ZFAT: variants seen among roughly 807,000 people sequenced by gnomAD.
The protein encoded by ZFAT is zinc finger protein ZFAT.
ZFAT carries 64 observed loss-of-function variants against 117.7 expected under a neutral mutation model. The observed-to-expected ratio is 0.54, with a 90% CI of 0.44 to 0.67. ZFAT has a LOEUF of 0.67. Among genes scored for constraint, ZFAT ranks in the 30% least tolerant of loss-of-function variants. ZFAT has a pLI of 0.00. For missense variants in ZFAT, 1,433 were observed against 1,584.5 expected (o/e 0.90, Z 1.62); for synonymous variants, 679 against 615.0 (o/e 1.10, Z -1.54).
intron 1 of ZFAT, among the ~76,000 whole-genome samples, chr8:134,695,702 T>A (rs1474806846): frequency 2.0e-5 from 3 of 147,896 alleles, no homozygotes; most frequent in Non-Finnish European, 3.0e-5. Flanking sequence ...CCAGGCAGCA[T>A]CTCTAACCAA....
the ZFAT span, among the ~76,000 whole-genome samples, chr8:134,733,477 C>A: frequency 3.3e-5 from 5 of 152,208 alleles, no homozygotes; most frequent in African/African-American, 1.2e-4. Flanking sequence ...GATGAATGGG[C>A]GAGGCCCTGG....
chr8:134,514,884 C>T (rs11786038), intron 13 of ZFAT, among the ~76,000 whole-genome samples: 20,902 of 151,978 alleles, frequency 0.14, 1,849 homozygotes, highest in Non-Finnish European at 0.19. Flanking sequence ...TAAGTATACA[C>T]GTGCCATGGT....
intron 11 of ZFAT, among the ~76,000 whole-genome samples, chr8:134,533,969 G>A (rs905065637): frequency 3.3e-5 from 5 of 152,180 alleles, no homozygotes; most frequent in South Asian, 4.1e-4. Flanking sequence ...GGTCATTCAG[G>A]GCCTGTTTGA....
At chr8:134,694,264 C>A (rs1192349261) in intron 1 of ZFAT, among the ~76,000 whole-genome samples, 1 of 152,184 alleles carries the variant, frequency 6.6e-6, no homozygotes, top group African/African-American at 2.4e-5. Flanking sequence ...AAGAGGAGCG[C>A]TACACTGATG....
chr8:134,712,819 T>TGG, intron 1 of ZFAT, 26 bp downstream of exon 1: 1 of 508,224 alleles, frequency 2.0e-6, no homozygotes, highest in Non-Finnish European at 3.2e-6. Context: ...CCACCCCGTC[T>TGG]CACCCCAACC....
At chr8:134,698,377 G>A (rs1833929562) in intron 1 of ZFAT, among the ~76,000 whole-genome samples, 1 of 151,832 alleles carries the variant, frequency 6.6e-6, no homozygotes, top group African/African-American at 2.4e-5. Context: ...AGGAGGCAAG[G>A]GAAGGCAGAA....
At chr8:134,819,342 C>T in the ZFAT span, among the ~76,000 whole-genome samples, 1 of 151,734 alleles carries the variant, frequency 6.6e-6, no homozygotes, top group Non-Finnish European at 1.5e-5. Flanking sequence ...AATCAAAGTC[C>T]AAGATAGGAA....
chr8:134,563,343 G>C (rs527499757), intron 11 of ZFAT, among the ~76,000 whole-genome samples: 1 of 152,300 alleles, frequency 6.6e-6, no homozygotes, highest in South Asian at 2.1e-4. Context: ...AACATGTAGT[G>C]AGAAAAGCAC....
intron 2 of ZFAT, among the ~76,000 whole-genome samples, chr8:134,643,304 C>T (rs192065635): frequency 3.9e-5 from 6 of 152,338 alleles, no homozygotes; most frequent in Admixed American, 3.3e-4. Flanking sequence ...ATAGCAAGTC[C>T]TTTGGACAGT....
intron 15 of ZFAT, among the ~76,000 whole-genome samples, chr8:134,503,664 G>T (rs1465973713): frequency 1.3e-5 from 2 of 152,114 alleles, no homozygotes; most frequent in African/African-American, 4.8e-5. Context: ...GGCCTAAATA[G>T]AATTAAAAAG....
chr8:134,565,225 G>C (rs1333743206), intron 11 of ZFAT, 108 bp downstream of exon 11: 10 of 1,562,540 alleles, frequency 6.4e-6, no homozygotes, highest in Non-Finnish European at 7.8e-6. Flanking sequence ...GGGCCCCAAA[G>C]CGAAGGTAAA....
intron 3 of ZFAT, among the ~76,000 whole-genome samples, 159 bp downstream of exon 3, chr8:134,637,302 G>C (rs1410580662): frequency 2.0e-5 from 3 of 152,190 alleles, no homozygotes; most frequent in African/African-American, 2.4e-5. Context: ...ACTACTTACG[G>C]TAATAGTCAT....
At chr8:134,780,780 C>T in the ZFAT span, among the ~76,000 whole-genome samples, 1 of 152,180 alleles carries the variant, frequency 6.6e-6, no homozygotes, top group Non-Finnish European at 1.5e-5. Context: ...AAATGCAGGA[C>T]CCAGGTCTTA....
intron 9 of ZFAT, among the ~76,000 whole-genome samples, chr8:134,585,464 A>G (rs1034298506): frequency 1.3e-5 from 2 of 152,228 alleles, no homozygotes; most frequent in African/African-American, 4.8e-5. Context: ...AAAGAACTCA[A>G]AAATGAAGAC....
At chr8:134,708,407 TAA>T (rs1038320218) in intron 1 of ZFAT, among the ~76,000 whole-genome samples, 1 of 152,018 alleles carries the variant, frequency 6.6e-6, no homozygotes, top group African/African-American at 2.4e-5. Flanking sequence ...ATTATACTCA[TAA>T]ATCATAACAT....
chr8:134,631,386 A>C (rs2131070881), intron 3 of ZFAT, among the ~76,000 whole-genome samples: 2 of 152,318 alleles, frequency 1.3e-5, no homozygotes, highest in African/African-American at 4.8e-5. Flanking sequence ...GAGTGGTCTT[A>C]AGGCACAGAC....
intron 13 of ZFAT, among the ~76,000 whole-genome samples, chr8:134,520,331 G>A (rs1434513415): frequency 6.6e-6 from 1 of 152,180 alleles, no homozygotes; most frequent in East Asian, 1.9e-4. Flanking sequence ...CCCTGCCTTA[G>A]ATAACTGCAA....
intron 1 of ZFAT, among the ~76,000 whole-genome samples, chr8:134,662,510 G>T (rs1021441628): frequency 6.6e-6 from 1 of 152,156 alleles, no homozygotes; most frequent in African/African-American, 2.4e-5. Flanking sequence ...CCCTAACATG[G>T]CCACAGAGTC....
the ZFAT span, among the ~76,000 whole-genome samples, chr8:134,812,087 T>C: frequency 6.6e-6 from 1 of 152,168 alleles, no homozygotes; most frequent in South Asian, 2.1e-4. Context: ...GAGGTTGCAG[T>C]GAGCCGAGAT....
Sources: allele counts gnomAD v4.1 joint callset (sites outside exome capture counted in the v4.1 genomes callset), GRCh38; gene constraint gnomAD v4.1.1; transcripts MANE v1.5; gene names NCBI Gene and HGNC (gene_info 2026-07-23, HGNC 2026-07-21).